Variants in MGAT4C observed in about 807,000 individuals in gnomAD.
MGAT4C encodes MGAT4 family member C.
In MGAT4C, 19 loss-of-function variants were observed where a neutral mutation model predicts 40.1. That is an observed-to-expected ratio of 0.47 (90% CI 0.33 to 0.70). The LOEUF is 0.70. Ranked by LOEUF, MGAT4C falls within the 30% of genes least tolerant of loss-of-function variation. The probability of loss-of-function intolerance (pLI) is 0.02; values close to 1 mark genes in which losing one functional copy is unlikely to be tolerated. For synonymous variants in MGAT4C, 181 were observed against 187.1 expected (o/e 0.97, Z 0.27); for missense variants, 491 against 563.2 (o/e 0.87, Z 1.30).
At chr12:86,111,947 A>G (rs1877490316) in intron 1 of MGAT4C, among the ~76,000 whole-genome samples, 1 of 151,898 alleles carries the variant, frequency 6.6e-6, no homozygotes, top group South Asian at 2.1e-4. Flanking sequence ...TTTGAAAAAT[A>G]TAACTACTGG....
chr12:86,750,644 G>A (rs1951219706), intron 1 of MGAT4C, among the ~76,000 whole-genome samples: 1 of 151,858 alleles, frequency 6.6e-6, no homozygotes, highest in South Asian at 2.1e-4. Context: ...AGAAATACAA[G>A]AGAAAAAGAG....
At position 86,478,614 on chromosome 12, in the gene MGAT4C, T is replaced by C. The variant is rs560723262; in HGVS notation, c.-228-43349A>G. Among the ~76,000 whole-genome samples, 5 of 152,252 alleles carry C rather than the reference T, an allele frequency of 3.3e-5. No homozygotes were observed. In the South Asian group the frequency reaches 1.0e-3, roughly 32 times the overall value. On this transcript the variant is annotated intron_variant, in intron 2 of 7. Coordinates refer to the MGAT4C transcript ENST00000548651. ...GTTTTTCTGTTGTTTTCTTTAAATA[T>C]CTAAGTCAGTTCCCCACTTACTGCC...
chr12:86,213,538 AT>A (rs1208201809), intron 1 of MGAT4C, among the ~76,000 whole-genome samples: 10 of 152,260 alleles, frequency 6.6e-5, no homozygotes, highest in Non-Finnish European at 1.3e-4. Context: ...TGTAATAGCT[AT>A]TTTTTTATTC....
intron 2 of MGAT4C, among the ~76,000 whole-genome samples, chr12:86,649,571 A>T (rs989287988): frequency 7.9e-5 from 12 of 151,842 alleles, no homozygotes; most frequent in African/African-American, 2.9e-4. Flanking sequence ...AAGAGAGTAA[A>T]GCAGGTCGAT....
chr12:85,968,173 T>A lies in MGAT4C; in HGVS notation c.*11116A>T, dbSNP rs1010501011. ...CATTTGAAGGATTTATGAAAAAAAG[T>A]CCACTGTGGAAAACTGATAGTTTTT... On this transcript the variant is annotated 3_prime_UTR_variant, in exon 5 of 5. Transcript: ENST00000611864. 6.6e-6 allele frequency: 1 copy of A among 152,062 alleles called. No homozygotes were observed. Among genetic ancestry groups the A allele is most frequent in the Non-Finnish European group, 1.5e-5 (1 of 67,948 alleles). The allele number at this position is 152,062 out of a possible 1,614,324, so 9.4% of individuals were successfully genotyped here.
intron 2 of MGAT4C, among the ~76,000 whole-genome samples, chr12:86,620,687 C>T (rs1446249523): frequency 6.6e-6 from 1 of 152,156 alleles, no homozygotes; most frequent in East Asian, 1.9e-4. Context: ...TATGATTTGG[C>T]TATGTGTTCC....
At chr12:86,178,843 A>T (rs1887777999) in intron 1 of MGAT4C, among the ~76,000 whole-genome samples, 1 of 152,294 alleles carries the variant, frequency 6.6e-6, no homozygotes, top group East Asian at 1.9e-4. Context: ...TATTTGACTC[A>T]TAGATCCCTA....
intron 1 of MGAT4C, among the ~76,000 whole-genome samples, chr12:86,763,929 T>A (rs1951450709): frequency 6.6e-6 from 1 of 152,096 alleles, no homozygotes. Context: ...GCTCCCAGCA[T>A]GAGCAACGCA....
intron 2 of MGAT4C, among the ~76,000 whole-genome samples, chr12:86,713,785 C>A (rs1222719738): frequency 1.3e-5 from 2 of 151,990 alleles, no homozygotes; most frequent in Non-Finnish European, 2.9e-5. Flanking sequence ...GTAACTTTTC[C>A]AAAGTCCCAT....
chr12:86,346,673 G>A (rs1429063057), intron 3 of MGAT4C, among the ~76,000 whole-genome samples: 1 of 152,112 alleles, frequency 6.6e-6, no homozygotes, highest in Non-Finnish European at 1.5e-5. Context: ...GTTATGCCTG[G>A]TGTGATGGTT....
chr12:86,113,061 G>A (rs552015742), intron 1 of MGAT4C, among the ~76,000 whole-genome samples: 60 of 151,776 alleles, frequency 4.0e-4, no homozygotes, highest in African/African-American at 1.4e-3. Flanking sequence ...GAAACAGTGA[G>A]ATCCTGGCCT....
At chr12:86,113,817 A>T (rs1227692867) in intron 1 of MGAT4C, among the ~76,000 whole-genome samples, 1 of 151,964 alleles carries the variant, frequency 6.6e-6, no homozygotes, top group Non-Finnish European at 1.5e-5. Context: ...CATGCAGGTT[A>T]GTTCAGTTAA....
intron 2 of MGAT4C, among the ~76,000 whole-genome samples, chr12:86,587,741 T>A (rs180764354): frequency 6.6e-6 from 1 of 151,326 alleles, no homozygotes; most frequent in Admixed American, 6.6e-5. Flanking sequence ...ATGATTTGGC[T>A]CTCTGTTTGT....
chr12:86,338,594 T>C (rs558935893), intron 3 of MGAT4C, among the ~76,000 whole-genome samples: 1 of 152,264 alleles, frequency 6.6e-6, no homozygotes, highest in Admixed American at 6.5e-5. Context: ...TGCCCAGGAA[T>C]GAACAAGGAC....
Position 86,749,944 on chromosome 12 carries a change from G to T in MGAT4C, c.-261-22703C>A, listed in dbSNP as rs1437471901. The stretch of plus-strand genomic sequence containing the variant: ...CAGTTTGATTATAGGAGCAACTTTG[G>T]TCACCTTGAATCTCTGAAAGAATAT... On this transcript the variant is annotated intron_variant, in intron 1 of 7. Transcript: ENST00000548651. Among the ~76,000 whole-genome samples, 7 of 151,852 alleles carry T rather than the reference G, an allele frequency of 4.6e-5. 1 individual carries two copies. The South Asian group carries it at 1.2e-3, about 27-fold the overall frequency.
rs553112624 is a variant in MGAT4C, at chr12:86,417,831, T to C, written c.-120+17326A>G. On this transcript the variant is annotated intron_variant, in intron 3 of 7. Transcript: ENST00000548651. ...ACCTAGGATTTAATTAGTGCTTATT[T>C]TATCACATACTTTACATAGACTATC... 1.1e-4 allele frequency among the ~76,000 whole-genome samples: 17 copies of C among 152,182 alleles called. No individual in the cohort carries two copies. The East Asian group carries it at 2.9e-3, about 26-fold the overall frequency.
intron 1 of MGAT4C, among the ~76,000 whole-genome samples, chr12:86,209,095 G>T (rs1033186520): frequency 6.6e-6 from 1 of 151,954 alleles, no homozygotes; most frequent in Non-Finnish European, 1.5e-5. Flanking sequence ...CTTAGATCCT[G>T]TCTACAATTG....
intron 4 of MGAT4C, among the ~76,000 whole-genome samples, chr12:86,306,376 A>C (rs1219183647): frequency 6.6e-6 from 1 of 150,700 alleles, no homozygotes; most frequent in Non-Finnish European, 1.5e-5. Context: ...AAAATGAAGT[A>C]ATTATTGATA....
At chr12:86,160,226 TGA>T (rs1885441399) in intron 1 of MGAT4C, among the ~76,000 whole-genome samples, 2 of 151,520 alleles carry the variant, frequency 1.3e-5, no homozygotes, top group Non-Finnish European at 3.0e-5. Flanking sequence ...GAGATTTTGG[TGA>T]GATTTTTCCC....
Sources: gnomAD v4.1 joint callset for allele counts (sites outside exome capture counted in the v4.1 genomes callset) on GRCh38, gnomAD v4.1.1 for gene constraint, MANE v1.5 for transcripts, NCBI Gene and HGNC (gene_info 2026-07-23, HGNC 2026-07-21) for gene names.